MAPK10: variants seen among roughly 807,000 people sequenced by gnomAD.
The protein encoded by MAPK10 is mitogen-activated protein kinase 10.
In MAPK10, 25 loss-of-function variants were observed where a neutral mutation model predicts 59.3. That is an observed-to-expected ratio of 0.42 (90% CI 0.31 to 0.59). The LOEUF is 0.59. MAPK10 is among the 20% of genes least tolerant of loss of function. MAPK10 has a pLI of 0.15. For synonymous variants in MAPK10, 190 were observed against 200.5 expected (o/e 0.95, Z 0.44); for missense variants, 351 against 568.9 (o/e 0.62, Z 3.90).
intron 2 of MAPK10, among the ~76,000 whole-genome samples, 172 bp downstream of exon 2, chr4:86,354,358 G>C (rs1218032631): frequency 6.6e-6 from 1 of 152,042 alleles, no homozygotes; most frequent in Non-Finnish European, 1.5e-5. Flanking sequence ...TGTGGTATTA[G>C]TAGTACCACA....
chr4:86,105,656 T>TGC (rs2056408557), intron 5 of MAPK10, among the ~76,000 whole-genome samples: 1 of 152,144 alleles, frequency 6.6e-6, no homozygotes, highest in Non-Finnish European at 1.5e-5. Context: ...CAGAATATAT[T>TGC]GCATTGATCA....
chr4:86,398,643 GCAGGTTTGTTA>G (rs1219115570), intron 1 of MAPK10, among the ~76,000 whole-genome samples: 2 of 152,076 alleles, frequency 1.3e-5, no homozygotes, highest in African/African-American at 4.8e-5. Context: ...TGGTACATGT[GCAGGTTTGTTA>G]CAGGGGTACA....
chr4:86,473,426 GTTTT>G (rs1752814569), intron 1 of MAPK10, among the ~76,000 whole-genome samples: 1 of 152,110 alleles, frequency 6.6e-6, no homozygotes, highest in Non-Finnish European at 1.5e-5. Context: ...GTATAGAAAG[GTTTT>G]TTATTTAAAA....
chr4:86,487,377 G>GTGTGTGTGTGTT (rs1564938250), intron 1 of MAPK10, among the ~76,000 whole-genome samples: 1 of 150,942 alleles, frequency 6.6e-6, no homozygotes, highest in Non-Finnish European at 1.5e-5. Context: ...GTGTGTGTGT[G>GTGTGTGTGTGTT]TGTGTGTAGA....
At chr4:86,489,648 T>TG (rs1157476835) in intron 1 of MAPK10, among the ~76,000 whole-genome samples, 1 of 152,242 alleles carries the variant, frequency 6.6e-6, no homozygotes, top group Non-Finnish European at 1.5e-5. Flanking sequence ...TTCATGGGTT[T>TG]GTCCCTTTTT....
At chr4:86,506,763 T>G (rs1186217866) in intron 1 of MAPK10, among the ~76,000 whole-genome samples, 3 of 151,988 alleles carry the variant, frequency 2.0e-5, no homozygotes, top group African/African-American at 7.3e-5. Flanking sequence ...AGCAGAGAAT[T>G]AAAAACCAAC....
At chr4:86,385,995 T>G (rs375158780) in intron 1 of MAPK10, among the ~76,000 whole-genome samples, 1 of 152,194 alleles carries the variant, frequency 6.6e-6, no homozygotes, top group East Asian at 1.9e-4. Flanking sequence ...TAAAAAAAAT[T>G]ATTTAAAAGA....
At chr4:86,130,205 T>C (rs911577876) in intron 4 of MAPK10, among the ~76,000 whole-genome samples, 1 of 152,194 alleles carries the variant, frequency 6.6e-6, no homozygotes, top group Non-Finnish European at 1.5e-5. Flanking sequence ...TATCTCTTCA[T>C]TTATTCAACA....
At chr4:86,144,868 T>G (rs1030714442) in intron 4 of MAPK10, among the ~76,000 whole-genome samples, 1 of 152,154 alleles carries the variant, frequency 6.6e-6, no homozygotes, top group African/African-American at 2.4e-5. Flanking sequence ...ATACAAATGT[T>G]AAAAACTTAC....
rs945710367 is a variant in MAPK10 at position 86,118,311 on chromosome 4, T to A, written c.237-10959A>T. 3.3e-5 allele frequency among the ~76,000 whole-genome samples: 5 copies of A among 152,312 alleles called. No individual in the cohort carries two copies. In the East Asian group the frequency reaches 7.7e-4, roughly 23 times the overall value. ...GGCCTGTGGAATCTTACTTTTTTTCTTTCAGTATTTTTTTCTTTCTGCTAT... is the reference window on the plus strand; with the variant it reads ...GGCCTGTGGAATCTTACTTTTTTTCATTCAGTATTTTTTTCTTTCTGCTAT... On this transcript the variant is annotated intron_variant, in intron 4 of 13. Transcript: ENST00000641462.
At chr4:86,083,643 A>C (rs2149034873) in intron 9 of MAPK10, among the ~76,000 whole-genome samples, 1 of 152,178 alleles carries the variant, frequency 6.6e-6, no homozygotes, top group African/African-American at 2.4e-5. Flanking sequence ...TGCAACTCCT[A>C]GGAAAGTCCT....
intron 1 of MAPK10, among the ~76,000 whole-genome samples, chr4:86,410,283 T>G (rs1744972587): frequency 6.6e-6 from 1 of 152,218 alleles, no homozygotes; most frequent in Admixed American, 6.5e-5. Context: ...CTTTTTGATG[T>G]GCTGCTGGAT....
intron 1 of MAPK10, among the ~76,000 whole-genome samples, chr4:86,481,071 C>T (rs1753570488): frequency 6.6e-6 from 1 of 152,182 alleles, no homozygotes; most frequent in Non-Finnish European, 1.5e-5. Flanking sequence ...TTATGACCTA[C>T]AATCAGACAA....
At chr4:86,223,410 C>G (rs993923046) in intron 2 of MAPK10, among the ~76,000 whole-genome samples, 1 of 152,140 alleles carries the variant, frequency 6.6e-6, no homozygotes, top group South Asian at 2.1e-4. Flanking sequence ...TTGTCCTGTT[C>G]GGCACCATAC....
At chr4:86,297,760 T>G (rs1048324069) in intron 2 of MAPK10, among the ~76,000 whole-genome samples, 1 of 152,244 alleles carries the variant, frequency 6.6e-6, no homozygotes, top group African/African-American at 2.4e-5. Context: ...TACTCTAATT[T>G]TTTCCCTATA....
intron 1 of MAPK10, among the ~76,000 whole-genome samples, chr4:86,507,626 A>G (rs1755852999): frequency 2.4e-5 from 1 of 41,150 alleles, no homozygotes; most frequent in Non-Finnish European, 4.6e-5. Context: ...ATATATATAT[A>G]TATATATATA....
intron 2 of MAPK10, among the ~76,000 whole-genome samples, chr4:86,346,574 ATGAAATATGG>A (rs1458566553): frequency 6.6e-6 from 1 of 152,164 alleles, no homozygotes; most frequent in East Asian, 1.9e-4. Flanking sequence ...CTCACAAAAG[ATGAAATATGG>A]TCATTCCTTG....
chr4:86,035,016 G>A (rs971148335), intron 11 of MAPK10, among the ~76,000 whole-genome samples: 2 of 152,116 alleles, frequency 1.3e-5, no homozygotes, highest in Non-Finnish European at 2.9e-5. Flanking sequence ...GTCGTCAGAA[G>A]TGACAAGATA....
At chr4:86,150,249 A>G (rs2066069072) in intron 4 of MAPK10, among the ~76,000 whole-genome samples, 1 of 152,222 alleles carries the variant, frequency 6.6e-6, no homozygotes, top group Non-Finnish European at 1.5e-5. Context: ...CTAAGCTGTG[A>G]GTACACAAAG....
Sources: allele counts gnomAD v4.1 joint callset (sites outside exome capture counted in the v4.1 genomes callset), GRCh38; gene constraint gnomAD v4.1.1; transcripts MANE v1.5; gene names NCBI Gene and HGNC (gene_info 2026-07-23, HGNC 2026-07-21).